CCND3: variants seen among roughly 807,000 people sequenced by gnomAD.
The protein encoded by CCND3 is G1/S-specific cyclin-D3.
In CCND3, 9 loss-of-function variants were observed where a neutral mutation model predicts 28.7. That is an observed-to-expected ratio of 0.31 (90% CI 0.19 to 0.55). The LOEUF (loss-of-function observed/expected upper bound fraction) is 0.55, where lower values mean the gene tolerates loss of function less well. Among genes scored for constraint, CCND3 ranks in the 20% least tolerant of loss-of-function variants. The pLI is 0.93. For missense variants in CCND3, 315 were observed against 385.8 expected (o/e 0.82, Z 1.54); for synonymous variants, 164 against 163.9 (o/e 1.00, Z 0.00).
intron 1 of CCND3, among the ~76,000 whole-genome samples, chr6:42,035,784 TCTC>T (rs1157029355): frequency 8.0e-5 from 12 of 149,606 alleles, no homozygotes; most frequent in African/African-American, 3.0e-4. Flanking sequence ...TTCAAGCAAT[TCTC>T]CTGCCTCAGC....
chr6:42,009,908 G>A (rs1763291190), intron 1 of CCND3, among the ~76,000 whole-genome samples: 1 of 152,130 alleles, frequency 6.6e-6, no homozygotes, highest in Admixed American at 6.6e-5. Context: ...ACTTAGAAAT[G>A]CAGATTGTTG....
In CCND3 at chr6:41,938,822, C is replaced by G. The variant is rs183054484; in HGVS notation, c.415-1428G>C. Among the ~76,000 whole-genome samples, 60 of 152,142 alleles carry G rather than the reference C, an allele frequency of 3.9e-4. No homozygotes were observed. The highest frequency in any genetic ancestry group is 1.4e-3 in the African/African-American group (56 of 41,390). On this transcript the variant is annotated intron_variant, in intron 2 of 4. Coordinates refer to ENST00000372991, the MANE Select transcript of CCND3 (RefSeq NM_001760.5). This position sits in a 1 kb window ranked among gnomAD's most constrained non-coding sequence, Gnocchi z 4.6. ...CGATGCTGAGGCAGGACCTTGCCCTCCTTCCTTGGGCCTCAGCCTCCTCTG... is the reference window on the plus strand; with the variant it reads ...CGATGCTGAGGCAGGACCTTGCCCTGCTTCCTTGGGCCTCAGCCTCCTCTG...
chr6:42,032,252 C>G (rs977020183), intron 1 of CCND3, among the ~76,000 whole-genome samples: 5 of 152,140 alleles, frequency 3.3e-5, no homozygotes, highest in African/African-American at 1.2e-4. Flanking sequence ...CACCTGACTA[C>G]TCTTTTTTAT....
Position 41,941,092 on chromosome 6 carries a change from G to T in CCND3, c.198+360C>A. ...CACAGGAACCGGCTCCCGGGCGGGG[G>T]CGGCCGAGCCCAGGGTTTTCCAGGC... is the stretch of plus-strand genomic sequence containing the variant. On this transcript the variant is annotated intron_variant, in intron 1 of 4. Coordinates refer to ENST00000372991, the MANE Select transcript of CCND3 (RefSeq NM_001760.5). This position sits in a 1 kb window ranked among gnomAD's most constrained non-coding sequence, Gnocchi z 6.1. 6.5e-7 allele frequency: 1 copy of T among 1,548,490 alleles called. No individual in the cohort carries two copies. The highest frequency in any genetic ancestry group is 8.7e-7 in the Non-Finnish European group (1 of 1,148,158).
At chr6:42,023,538 G>T (rs1413962553) in intron 1 of CCND3, among the ~76,000 whole-genome samples, 1 of 152,148 alleles carries the variant, frequency 6.6e-6, no homozygotes, top group Non-Finnish European at 1.5e-5. Context: ...ATTTCCCCTA[G>T]GAGCAATGGG....
At chr6:42,037,193 G>A (rs1764244827) in intron 1 of CCND3, among the ~76,000 whole-genome samples, 1 of 151,716 alleles carries the variant, frequency 6.6e-6, no homozygotes, top group South Asian at 2.1e-4. Flanking sequence ...ACCCGCCTTG[G>A]CCTCCCAAAG....
intron 1 of CCND3, among the ~76,000 whole-genome samples, chr6:42,044,672 T>C (rs947715699): frequency 2.6e-5 from 4 of 152,218 alleles, no homozygotes; most frequent in African/African-American, 9.7e-5. Context: ...ACAGCTATAG[T>C]ATTCCTCCTA....
chr6:41,989,943 T>A (rs1231546664), intron 1 of CCND3, among the ~76,000 whole-genome samples: 1 of 151,938 alleles, frequency 6.6e-6, no homozygotes, highest in East Asian at 1.9e-4. Context: ...AGTAGGTGAA[T>A]GGATACCAAA....
At chr6:41,988,354 T>A (rs1163146204) in intron 1 of CCND3, among the ~76,000 whole-genome samples, 1 of 152,078 alleles carries the variant, frequency 6.6e-6, no homozygotes, top group African/African-American at 2.4e-5. Flanking sequence ...TTCTCATTCT[T>A]ACAGCCGCTC....
At chr6:41,951,153 G>A (rs941577974) in intron 1 of CCND3, among the ~76,000 whole-genome samples, 2 of 152,110 alleles carry the variant, frequency 1.3e-5, no homozygotes, top group African/African-American at 4.8e-5. Flanking sequence ...TGGTTTGTGT[G>A]ACAGGAAGGG....
At chr6:42,049,348 T>A (rs1728557010), upstream of CCND3, among the ~76,000 whole-genome samples, 1 of 152,184 alleles carries the variant, frequency 6.6e-6, no homozygotes. Context: ...ATTTCTTGAC[T>A]CTTACTACAC....
chr6:42,028,495 G>T (rs140011040), intron 1 of CCND3, among the ~76,000 whole-genome samples: 2 of 152,312 alleles, frequency 1.3e-5, no homozygotes, highest in African/African-American at 4.8e-5. Flanking sequence ...CACGGTCACC[G>T]TTGCCACACT....
intron 1 of CCND3, among the ~76,000 whole-genome samples, chr6:41,986,922 A>G (rs925912481): frequency 1.3e-5 from 2 of 152,074 alleles, no homozygotes; most frequent in Non-Finnish European, 2.9e-5. Context: ...GATTAATGCA[A>G]TCCTGATAGC....
intron 1 of CCND3, among the ~76,000 whole-genome samples, chr6:42,041,566 A>G (rs1165861866): frequency 1.3e-5 from 2 of 152,210 alleles, no homozygotes; most frequent in African/African-American, 2.4e-5. Context: ...TACAGAAAAG[A>G]CAATGGAGCT....
chr6:41,985,993 T>TCC (rs2127414041), intron 1 of CCND3, among the ~76,000 whole-genome samples: 1 of 152,112 alleles, frequency 6.6e-6, no homozygotes, highest in East Asian at 1.9e-4. Context: ...TTCTTCTGCA[T>TCC]GTGGATATGC....
chr6:42,006,093 A>T (rs1763167420), intron 1 of CCND3, among the ~76,000 whole-genome samples: 1 of 151,834 alleles, frequency 6.6e-6, no homozygotes, highest in Non-Finnish European at 1.5e-5. Flanking sequence ...CTTGTGCACC[A>T]GAGCTCAAGG....
At position 41,938,754 on chromosome 6, in the gene CCND3, G is replaced by C. The variant is rs1775891263; in HGVS notation, c.415-1360C>G. On this transcript the variant is annotated intron_variant, in intron 2 of 4. Transcript: ENST00000372991. This position sits in a 1 kb window ranked among gnomAD's most constrained non-coding sequence, Gnocchi z 4.6. ...ACATTCCTGACTTTTAAGGCAACCT[G>C]GTCTAGCTAGAAGACCCAGGTTCTA... Among the ~76,000 whole-genome samples, 1 of 151,432 alleles carries C rather than the reference G, an allele frequency of 6.6e-6. No individual in the cohort carries two copies. The highest frequency in any genetic ancestry group is 2.4e-5 in the African/African-American group (1 of 41,394).
intron 1 of CCND3, among the ~76,000 whole-genome samples, chr6:42,037,543 A>C (rs1049858372): frequency 1.3e-5 from 2 of 152,106 alleles, no homozygotes; most frequent in Non-Finnish European, 2.9e-5. Flanking sequence ...CCAAAAAAAA[A>C]TTACAATGCT....
chr6:41,992,055 G>A (rs72853854), intron 1 of CCND3, among the ~76,000 whole-genome samples: 23,641 of 152,208 alleles, frequency 0.16, 2,333 homozygotes, highest in Middle Eastern at 0.33. Flanking sequence ...CAATAAATAC[G>A]GAGGTGTGGA....
Sources: gnomAD v4.1 joint callset for allele counts (sites outside exome capture counted in the v4.1 genomes callset) on GRCh38, gnomAD v4.1.1 for gene constraint, Gnocchi (gnomAD v3.1) non-coding constraint, MANE v1.5 for transcripts, NCBI Gene and HGNC (gene_info 2026-07-23, HGNC 2026-07-21) for gene names.